The following SEMA5A variants were observed in gnomAD, a reference collection of about 807,000 sequenced individuals.
The protein encoded by SEMA5A is semaphorin 5A, also known as semaphorin-5A.
A neutral mutation model predicts 135.5 loss-of-function variants in SEMA5A; 55 were observed. The observed-to-expected ratio is 0.41, with a 90% confidence interval of 0.33 to 0.51. The LOEUF (loss-of-function observed/expected upper bound fraction) is 0.51, where lower values mean the gene tolerates loss of function less well. SEMA5A is among the 20% of genes least tolerant of loss of function. The pLI is 0.37. For synonymous variants in SEMA5A, 580 were observed against 546.5 expected (o/e 1.06, Z -0.85); for missense variants, 1,290 against 1,419.9 (o/e 0.91, Z 1.47).
intron 1 of SEMA5A, among the ~76,000 whole-genome samples, chr5:9,453,186 T>C (rs1402783703): frequency 1.3e-5 from 2 of 152,218 alleles, no homozygotes; most frequent in Admixed American, 6.5e-5. Context: ...AGAGATTACA[T>C]ATTTGCAAAT....
At chr5:9,308,893 G>A (rs2150636572) in intron 5 of SEMA5A, among the ~76,000 whole-genome samples, 1 of 152,216 alleles carries the variant, frequency 6.6e-6, no homozygotes, top group African/African-American at 2.4e-5. Context: ...AACAGAGTAA[G>A]GGCAGGATGA....
chr5:9,343,768 C>G (rs577789523), intron 3 of SEMA5A, among the ~76,000 whole-genome samples: 1 of 152,288 alleles, frequency 6.6e-6, no homozygotes, highest in South Asian at 2.1e-4. Flanking sequence ...TGTGTCTTGC[C>G]TGCTACCAGT....
At chr5:9,172,298 A>C (rs1460378601) in intron 11 of SEMA5A, among the ~76,000 whole-genome samples, 1 of 152,208 alleles carries the variant, frequency 6.6e-6, no homozygotes, top group African/African-American at 2.4e-5. Context: ...TTATAGTTTA[A>C]CTCAAAGAGC....
chr5:9,462,413 G>A (rs1356921071), intron 1 of SEMA5A, among the ~76,000 whole-genome samples: 1 of 152,166 alleles, frequency 6.6e-6, no homozygotes, highest in Admixed American at 6.5e-5. Context: ...AAAGCAGTGT[G>A]GTGATTCCCC....
intron 17 of SEMA5A, among the ~76,000 whole-genome samples, chr5:9,063,629 C>T (rs186155715): frequency 6.6e-6 from 1 of 152,334 alleles, no homozygotes; most frequent in Admixed American, 6.5e-5. Flanking sequence ...GATCACAGGC[C>T]TGAGAAACTC....
intron 11 of SEMA5A, among the ~76,000 whole-genome samples, chr5:9,186,643 C>G (rs1213781105): frequency 2.0e-5 from 3 of 152,180 alleles, no homozygotes; most frequent in Non-Finnish European, 2.9e-5. Context: ...TGAAAGGACT[C>G]TAGCATGTGT....
chr5:9,532,775 C>G (rs1737527575), intron 1 of SEMA5A, among the ~76,000 whole-genome samples: 1 of 152,182 alleles, frequency 6.6e-6, no homozygotes, highest in Non-Finnish European at 1.5e-5. Flanking sequence ...TAGCCAAGCC[C>G]TTTCTCCACC....
At chr5:9,268,901 A>G (rs1486682437) in intron 5 of SEMA5A, among the ~76,000 whole-genome samples, 1 of 152,190 alleles carries the variant, frequency 6.6e-6, no homozygotes, top group African/African-American at 2.4e-5. Context: ...TTATTTTTAA[A>G]GTAAGTATAT....
intron 16 of SEMA5A, among the ~76,000 whole-genome samples, chr5:9,091,159 T>C (rs760919885): frequency 5.9e-5 from 9 of 152,154 alleles, no homozygotes; most frequent in Admixed American, 1.3e-4. Flanking sequence ...AAGCAACAAA[T>C]GGAAGTTTCA....
At chr5:9,092,662 G>A (rs1370042881) in intron 16 of SEMA5A, among the ~76,000 whole-genome samples, 1 of 152,118 alleles carries the variant, frequency 6.6e-6, no homozygotes, top group Non-Finnish European at 1.5e-5. Flanking sequence ...AGTTAAATGT[G>A]GACTAAGAGT....
intron 4 of SEMA5A, among the ~76,000 whole-genome samples, chr5:9,323,350 C>G (rs1752713223): frequency 6.6e-6 from 1 of 152,114 alleles, no homozygotes; most frequent in Non-Finnish European, 1.5e-5. Context: ...TTATTTTTCA[C>G]AACTGAGTAA....
chr5:9,104,574 T>C (rs576520324), intron 16 of SEMA5A, among the ~76,000 whole-genome samples: 3 of 152,342 alleles, frequency 2.0e-5, no homozygotes, highest in South Asian at 4.1e-4. Context: ...GGCTAGGATA[T>C]ATAGAAATAT....
chr5:9,210,083 C>T (rs1579620421), intron 8 of SEMA5A, among the ~76,000 whole-genome samples: 2 of 152,168 alleles, frequency 1.3e-5, no homozygotes, highest in African/African-American at 4.8e-5. Context: ...TGGATTTATT[C>T]TTTATGAGGT....
rs538655048 is a variant in SEMA5A, at chr5:9,172,156, G to A, written c.1274-17461C>T. 1.9e-4 allele frequency among the ~76,000 whole-genome samples: 29 copies of A among 152,254 alleles called. No homozygotes were observed. The South Asian group carries it at 5.8e-3, about 30-fold the overall frequency. On this transcript the variant is annotated intron_variant, in intron 11 of 22. Coordinates refer to ENST00000382496, the MANE Select transcript of SEMA5A (RefSeq NM_003966.3). ...CAGACAAGCTGCCAGGTGAGTCACT[G>A]CAGGTCAGCAACTCCATAAAGCCCC...
At chr5:9,099,287 G>C (rs961869905) in intron 16 of SEMA5A, among the ~76,000 whole-genome samples, 1 of 152,072 alleles carries the variant, frequency 6.6e-6, no homozygotes, top group African/African-American at 2.4e-5. Context: ...TTCTCAAAAA[G>C]CTTAAGCATC....
chr5:9,240,910 TCA>T (rs1333467894), intron 5 of SEMA5A, among the ~76,000 whole-genome samples: 2 of 152,156 alleles, frequency 1.3e-5, no homozygotes, highest in South Asian at 2.1e-4. Context: ...ATTCTACATT[TCA>T]GATCTCAACC....
intron 1 of SEMA5A, among the ~76,000 whole-genome samples, chr5:9,461,257 T>A (rs1759046827): frequency 6.6e-6 from 1 of 152,210 alleles, no homozygotes; most frequent in Admixed American, 6.5e-5. Flanking sequence ...CAGATTTGGT[T>A]TTGTTCTCCT....
intron 14 of SEMA5A, among the ~76,000 whole-genome samples, chr5:9,119,354 T>C (rs550144096): frequency 6.6e-6 from 1 of 152,294 alleles, no homozygotes; most frequent in East Asian, 1.9e-4. Flanking sequence ...ATAGCCAAGA[T>C]AGGAAATTTG....
intron 1 of SEMA5A, among the ~76,000 whole-genome samples, chr5:9,508,064 T>C (rs1736000099): frequency 6.6e-6 from 1 of 151,630 alleles, no homozygotes; most frequent in Non-Finnish European, 1.5e-5. Context: ...TGGGGAAGCA[T>C]TTCCAGAACG....
Sources: gnomAD v4.1 joint callset for allele counts (sites outside exome capture counted in the v4.1 genomes callset) on GRCh38, gnomAD v4.1.1 for gene constraint, MANE v1.5 for transcripts, NCBI Gene and HGNC (gene_info 2026-07-23, HGNC 2026-07-21) for gene names.